The following GREB1 variants were observed in gnomAD, a reference collection of about 807,000 sequenced individuals.
GREB1 encodes the protein growth regulating estrogen receptor binding 1.
In GREB1, 106 loss-of-function variants were observed where a neutral mutation model predicts 200.7. The observed-to-expected ratio is 0.53, with a 90% CI of 0.45 to 0.62. The LOEUF (loss-of-function observed/expected upper bound fraction) is 0.62. Among genes scored for constraint, GREB1 ranks in the 20% least tolerant of loss-of-function variants. GREB1 has a pLI of 0.00. For missense variants in GREB1, 2,243 were observed against 2,556.8 expected (o/e 0.88, Z 2.65); for synonymous variants, 1,132 against 1,092.4 (o/e 1.04, Z -0.72).
rs940339152 is a variant in GREB1, at chr2:11,548,309, T to TGC, written c.-161-8144_-161-8143dup. 6.6e-6 allele frequency among the ~76,000 whole-genome samples: 1 copy of TGC among 151,586 alleles called. No individual in the cohort carries two copies. The highest frequency in any genetic ancestry group is 1.5e-5 in the Non-Finnish European group (1 of 67,864). On this transcript the variant is annotated intron_variant, in intron 1 of 32. Coordinates refer to ENST00000381486, the MANE Select transcript of GREB1 (RefSeq NM_014668.4). This position sits in a 1 kb window ranked among gnomAD's most constrained non-coding sequence, Gnocchi z 5.1. ...GCACACACGTGCACATACCCACATA[T>TGC]GCACACACACGCACACACCCAGACA...
At chr2:11,587,741 A>ACACACACACACACACCCGCGCG in intron 9 of GREB1, 1 of 786,924 alleles carries the variant, frequency 1.3e-6, no homozygotes. Context: ...ACACACACAC[A>ACACACACACACACACCCGCGCG]CGCCACCTTT....
At chr2:11,587,741 A>ACACACACACACGTG in intron 9 of GREB1, 2 of 786,924 alleles carry the variant, frequency 2.5e-6, no homozygotes. Context: ...ACACACACAC[A>ACACACACACACGTG]CGCCACCTTT....
chr2:11,576,688 G>A (rs940277143), intron 5 of GREB1, among the ~76,000 whole-genome samples, 153 bp downstream of exon 5: 2 of 152,188 alleles, frequency 1.3e-5, no homozygotes, highest in African/African-American at 4.8e-5. Context: ...GCTCCTTTGC[G>A]TTACGGGCGT....
chr2:11,605,193 G>A (rs1337930801), intron 17 of GREB1, among the ~76,000 whole-genome samples: 1 of 124,804 alleles, frequency 8.0e-6, no homozygotes, highest in Non-Finnish European at 1.6e-5. Context: ...CAGCTTTAAT[G>A]GGGAATAACT....
intron 1 of GREB1, among the ~76,000 whole-genome samples, chr2:11,552,761 C>T (rs960920557): frequency 2.0e-5 from 3 of 152,264 alleles, no homozygotes; most frequent in African/African-American, 4.8e-5. Context: ...CCTGTAATCC[C>T]AGCACTTTGG....
At chr2:11,525,703 C>T (rs1052730135) in intron 1 of GREB1, among the ~76,000 whole-genome samples, 5 of 152,090 alleles carry the variant, frequency 3.3e-5, no homozygotes, top group African/African-American at 1.2e-4. Flanking sequence ...GCCAGGACTG[C>T]CCTACCCAGA....
intron 1 of GREB1, among the ~76,000 whole-genome samples, chr2:11,542,113 A>C (rs958031839): frequency 1.3e-5 from 2 of 152,060 alleles, no homozygotes; most frequent in Admixed American, 1.3e-4. Flanking sequence ...AACTGTGTCT[A>C]GTTCAGTTTC....
At chr2:11,532,310 C>T (rs181906075), upstream of GREB1, among the ~76,000 whole-genome samples, 4 of 152,158 alleles carry the variant, frequency 2.6e-5, no homozygotes, top group East Asian at 1.9e-4. Flanking sequence ...GGTCTTGGAG[C>T]GAGGGAGGTT....
intron 1 of GREB1, among the ~76,000 whole-genome samples, chr2:11,526,068 G>A (rs899190133): frequency 5.9e-5 from 9 of 152,194 alleles, no homozygotes; most frequent in African/African-American, 1.7e-4. Flanking sequence ...TTTTATCAAT[G>A]CTAACTTAGC....
At chr2:11,592,184 T>C in intron 10 of GREB1, 1 of 660,900 alleles carries the variant, frequency 1.5e-6, no homozygotes, top group Non-Finnish European at 1.9e-6. Context: ...TACTTTTTTT[T>C]TTCTTTTTTT....
rs1472130175 is a variant in GREB1, at chr2:11,562,534, A to T, written c.229A>T (p.Asn77Tyr). The change falls in exon 3 of 33, where the codon AAC (asparagine) becomes TAC (tyrosine). Residue 77 changes from asparagine to tyrosine, a missense_variant. Transcript: ENST00000381486. ...AGGGCTGGAAACAAATGGCCCCCCA[A>T]ACCCTTTCCAGCTGCACCCTCTGCC... Reference protein sequence around the residue: ...EGGLETNGPPNPFQLHPLPEG... With the variant: ...EGGLETNGPPYPFQLHPLPEG... 1 of 1,605,226 alleles carries T rather than the reference A, an allele frequency of 6.2e-7. No individual in the cohort carries two copies. Among genetic ancestry groups the T allele is most frequent in the Non-Finnish European group, 8.5e-7 (1 of 1,176,230 alleles).
chr2:11,587,422 G>A (rs755224875), intron 9 of GREB1: 15 of 1,613,932 alleles, frequency 9.3e-6, no homozygotes, highest in East Asian at 4.5e-5. Context: ...CCCTTGGTCC[G>A]GCAGAACCTG....
intron 10 of GREB1, chr2:11,591,798 C>T (rs968545174): frequency 4.3e-6 from 1 of 233,070 alleles, no homozygotes; most frequent in African/African-American, 2.3e-5. Context: ...AGAGACCTTG[C>T]TAAGTAAACG....
chr2:11,488,751 A>G (rs1195584076), intron 1 of GREB1, among the ~76,000 whole-genome samples: 2 of 146,964 alleles, frequency 1.4e-5, no homozygotes, highest in Admixed American at 1.4e-4. Flanking sequence ...AGCCTGTGCC[A>G]TTGTACTCCA....
intron 1 of GREB1, among the ~76,000 whole-genome samples, chr2:11,515,749 A>T (rs1219228067): frequency 2.0e-5 from 3 of 152,244 alleles, no homozygotes; most frequent in African/African-American, 7.2e-5. Flanking sequence ...CGGGAACAGG[A>T]GGTGACAGCA....
At chr2:11,595,008 T>A (rs1017163372) in intron 11 of GREB1, among the ~76,000 whole-genome samples, 6 of 150,488 alleles carry the variant, frequency 4.0e-5, no homozygotes, top group Admixed American at 2.0e-4. Flanking sequence ...TTTTTTTTTT[T>A]AAATAAATTA....
rs1194432130 is a variant in GREB1, at chr2:11,580,551, A to G, written c.773-153A>G. On this transcript the variant is annotated intron_variant, in intron 6 of 32. Coordinates refer to ENST00000381486, the MANE Select transcript of GREB1 (RefSeq NM_014668.4). The surrounding 1 kb of genome is among the most constrained non-coding windows in gnomAD (Gnocchi z 4.5). ...GTGTCTGCATGTATCTTCTCAGTGT[A>G]GCAGAATCACTGTTGGGCATTCTGA... 6.6e-6 allele frequency among the ~76,000 whole-genome samples: 1 copy of G among 152,110 alleles called. No homozygotes were observed. The highest frequency in any genetic ancestry group is 2.4e-5 in the African/African-American group (1 of 41,418).
In GREB1 at chr2:11,634,317, C is replaced by T; in HGVS notation, c.5178C>T (p.Asp1726=). 6.2e-7 allele frequency: 1 copy of T among 1,614,052 alleles called. No homozygotes were observed. Among genetic ancestry groups the T allele is most frequent in the Non-Finnish European group, 8.5e-7 (1 of 1,179,966 alleles). The change falls in exon 29 of 33, where the codon GAC becomes GAT. Residue 1726 remains aspartate, a synonymous_variant. Transcript: ENST00000381486. ...ACAACTTCATCATCCTGAACGTGGA[C>T]CTGACCCAGAACGTGCAGTACAACC... ...HVHNFIILNV[D]LTQNVQYNQN...
At chr2:11,598,469 C>G (rs536602088) in intron 14 of GREB1, among the ~76,000 whole-genome samples, 4 of 152,366 alleles carry the variant, frequency 2.6e-5, no homozygotes, top group Admixed American at 2.6e-4. Flanking sequence ...GCTGTACACA[C>G]AGCCAAGGCT....
Sources: gnomAD v4.1 joint callset for allele counts (sites outside exome capture counted in the v4.1 genomes callset) on GRCh38, gnomAD v4.1.1 for gene constraint, Gnocchi (gnomAD v3.1) non-coding constraint, MANE v1.5 for transcripts, NCBI Gene and HGNC (gene_info 2026-07-23, HGNC 2026-07-21) for gene names.